TRPV2: variants seen among roughly 807,000 people sequenced by gnomAD.
The protein encoded by TRPV2 is OTRPC2.
TRPV2 carries 58 observed loss-of-function variants against 91.0 expected under a neutral mutation model. That is an observed-to-expected ratio of 0.64 (90% CI 0.52 to 0.79). TRPV2 has a LOEUF of 0.79. Among genes scored for constraint, TRPV2 ranks in the 30% least tolerant of loss-of-function variants. The pLI is 0.00. For synonymous variants in TRPV2, 417 were observed against 414.8 expected, an observed-to-expected ratio of 1.01 and a Z score of -0.06; for missense variants, 807 against 969.6, an observed-to-expected ratio of 0.83 and a Z score of 2.23.
intron 8 of TRPV2, 127 bp downstream of exon 8, chr17:16,427,674 G>A (rs1568914825): frequency 4.8e-6 from 4 of 834,642 alleles, no homozygotes; most frequent in Non-Finnish European, 7.2e-6. Context: ...CAGCCTCACT[G>A]AAGCTGAGGG....
chr17:16,432,440 T>A, intron 12 of TRPV2, 140 bp downstream of exon 12: 7 of 274,168 alleles, frequency 2.6e-5, no homozygotes, highest in East Asian at 9.7e-5. Flanking sequence ...TTCCTCTTCC[T>A]TTTTTTTTTT....
intron 12 of TRPV2, 156 bp from the exon 13 acceptor site, chr17:16,433,418 C>T (rs1222676926): frequency 3.7e-6 from 4 of 1,087,448 alleles, no homozygotes; most frequent in East Asian, 2.5e-5. Flanking sequence ...ACACAGGTAA[C>T]CGGATGTTGG....
At chr17:16,430,234 A>G (rs73287082) in intron 10 of TRPV2, among the ~76,000 whole-genome samples, 3,271 of 152,100 alleles carry the variant, frequency 0.022, 108 homozygotes, top group African/African-American at 0.075. Context: ...TTGTATAACC[A>G]TCACCACCAT....
At chr17:16,419,312 A>T (rs770820667) in intron 2 of TRPV2, 1 of 470,932 alleles carries the variant, frequency 2.1e-6, no homozygotes. Context: ...ACAAGCTACC[A>T]GATCCCTTCC....
chr17:16,434,447 G>A (rs1399383493), intron 13 of TRPV2, among the ~76,000 whole-genome samples: 26 of 133,354 alleles, frequency 1.9e-4, no homozygotes, highest in African/African-American at 6.8e-4. Context: ...CAGCCTGGGC[G>A]ACAGAGCGAG....
At chr17:16,418,447 C>A (rs1370692862) in intron 2 of TRPV2, among the ~76,000 whole-genome samples, 1 of 152,150 alleles carries the variant, frequency 6.6e-6, no homozygotes, top group Non-Finnish European at 1.5e-5. Flanking sequence ...GCACCCCCTA[C>A]TTCCCTGCCC....
At chr17:16,425,701 T>G (rs1302122143) in intron 5 of TRPV2, among the ~76,000 whole-genome samples, 2 of 152,122 alleles carry the variant, frequency 1.3e-5, no homozygotes, top group Non-Finnish European at 2.9e-5. Context: ...TCCTAACCTG[T>G]TTGGATTAGG....
At chr17:16,420,535 CT>C (rs1365049579) in intron 3 of TRPV2, among the ~76,000 whole-genome samples, 1 of 152,008 alleles carries the variant, frequency 6.6e-6, no homozygotes, top group Non-Finnish European at 1.5e-5. Context: ...CTTTTTTTAT[CT>C]TTTTTAATAA....
chr17:16,420,229 C>A lies in TRPV2; in HGVS notation c.315C>A (p.Leu105=). The A allele has an allele frequency of 6.2e-7, 1 of 1,613,900 alleles. No individual in the cohort carries two copies. Among genetic ancestry groups the A allele is most frequent in the Non-Finnish European group, 8.5e-7 (1 of 1,179,782 alleles). The part of the protein sequence containing the change: ...PEYLSKTSKY[L]TDSEYTEGST... ...ACCTGAGCAAGACCAGCAAGTACCT[C>A]ACCGACTCGGAATACACAGGTAGAC... The change falls in exon 3 of 15, where the codon CTC becomes CTA. Residue 105 remains leucine (L), a synonymous_variant. Transcript: ENST00000338560.
rs1324170573 is a variant in TRPV2, at chr17:16,415,763, C to A, written c.-178C>A. 2 of 152,406 alleles carry A rather than the reference C, an allele frequency of 1.3e-5. No individual in the cohort carries two copies. Among genetic ancestry groups the A allele is most frequent in the African/African-American group, 4.8e-5 (2 of 41,460 alleles). 9.4% of individuals were successfully genotyped at this position (152,406 alleles called of 1,614,324 possible). On this transcript the variant is annotated 5_prime_UTR_variant, in exon 1 of 15. Transcript: ENST00000338560. This position sits in a 1 kb window ranked among gnomAD's most constrained non-coding sequence, Gnocchi z 4.5. The stretch of plus-strand genomic sequence containing the variant: ...CGGCAGCCCCTCCCGGCTTCACTTC[C>A]TCCCGCAGCCCCTGCTACTGAGAAG...
chr17:16,420,735 T>A (rs867022711), intron 3 of TRPV2, among the ~76,000 whole-genome samples: 3 of 152,294 alleles, frequency 2.0e-5, no homozygotes, highest in Middle Eastern at 3.4e-3. Context: ...CATCCTGGGC[T>A]CCAATTAATT....
chr17:16,419,190 C>A, intron 2 of TRPV2: 3 of 384,466 alleles, frequency 7.8e-6, no homozygotes, highest in South Asian at 3.9e-5. Context: ...GGTGGTGGTA[C>A]CAGAAGCCCC....
Position 16,436,011 on chromosome 17 carries a change from C to CG in TRPV2, c.2195-774dup, listed in dbSNP as rs572559023. Among the ~76,000 whole-genome samples, 821 of 152,288 alleles carry CG rather than the reference C, an allele frequency of 5.4e-3. 4 individuals carry two copies. The highest frequency in any genetic ancestry group is 0.012 in the Admixed American group (185 of 15,300). ...GTGACATTCCCAACAGGAACAGCCTCGGGGCTGCCCCAGCAGGTCACATGT... is the reference window on the plus strand; with the variant it reads ...GTGACATTCCCAACAGGAACAGCCTCGGGGGCTGCCCCAGCAGGTCACATGT... On this transcript the variant is annotated intron_variant, in intron 14 of 14. Coordinates refer to ENST00000338560, the MANE Select transcript of TRPV2 (RefSeq NM_016113.5).
In TRPV2 at chr17:16,426,883, G is replaced by T; in HGVS notation, c.1251+6G>T. The T allele has an allele frequency of 1.9e-6, 3 of 1,611,942 alleles. No individual in the cohort carries two copies. Among genetic ancestry groups the T allele is most frequent in the Non-Finnish European group, 2.5e-6 (3 of 1,179,092 alleles). On this transcript the variant is annotated splice_donor_region_variant and intron_variant, in intron 7 of 14. Coordinates refer to ENST00000338560, the MANE Select transcript of TRPV2 (RefSeq NM_016113.5). This position sits in a 1 kb window ranked among gnomAD's most constrained non-coding sequence, Gnocchi z 6.0. ...ATCAGCCTACCCTGAAGAAGGCAAG[G>T]GCGTGAGGTTTGGGGGGGCACATCT...
chr17:16,435,208 C>G lies in TRPV2; in HGVS notation c.2194+239C>G, dbSNP rs1162305093. Reference sequence around the variant, plus strand: ...GGGGAAACCTCTGAGGCTGTTAGCGCTTCCACCAGCCCAGCCTCTGGCTGC... The same window carrying G: ...GGGGAAACCTCTGAGGCTGTTAGCGGTTCCACCAGCCCAGCCTCTGGCTGC... On this transcript the variant is annotated intron_variant, in intron 14 of 14. Coordinates refer to ENST00000338560, the MANE Select transcript of TRPV2 (RefSeq NM_016113.5). This position sits in a 1 kb window ranked among gnomAD's most constrained non-coding sequence, Gnocchi z 4.2. 3.3e-5 allele frequency among the ~76,000 whole-genome samples: 5 copies of G among 152,208 alleles called. No individual in the cohort carries two copies. Among genetic ancestry groups the G allele is most frequent in the African/African-American group, 1.2e-4 (5 of 41,434 alleles).
Position 16,420,116 on chromosome 17 carries a change from C to G in TRPV2, c.202C>G (p.Gln68Glu), listed in dbSNP as rs369496685. The G allele has an allele frequency of 6.2e-7, 1 of 1,612,302 alleles. No individual in the cohort carries two copies. The highest frequency in any genetic ancestry group is 8.5e-7 in the Non-Finnish European group (1 of 1,178,746). The change falls in exon 3 of 15, where the codon CAG becomes GAG. Residue 68 changes from glutamine (Q) to glutamate (E), a missense_variant and splice_region_variant. Physicochemically the swap from Gln to Glu is conservative, Grantham distance 29. Transcript: ENST00000338560. ...AGTCACAAACCACATCCTCCACAGTCAGCCGGATCCAAACCGATTTGACCG... is the reference window on the plus strand; with the variant it reads ...AGTCACAAACCACATCCTCCACAGTGAGCCGGATCCAAACCGATTTGACCG... Reference protein sequence around the residue: ...LNYRKGTGASQPDPNRFDRDR... With the variant: ...LNYRKGTGASEPDPNRFDRDR...
At chr17:16,428,763 G>C in intron 9 of TRPV2, 54 bp from the exon 10 acceptor site, 1 of 1,606,486 alleles carries the variant, frequency 6.2e-7, no homozygotes, top group South Asian at 1.1e-5. Flanking sequence ...AGGCCAGTGG[G>C]GGCTCAGGGA....
chr17:16,426,701 G>T lies in TRPV2; in HGVS notation c.1096-21G>T, dbSNP rs754955629. ...TTTGCACTTGTTGAGTGTACCCATG[G>T]CTCTCCCCTCCCCACCCCAGCACCG... On this transcript the variant is annotated intron_variant, in intron 6 of 14. Coordinates refer to ENST00000338560, the MANE Select transcript of TRPV2 (RefSeq NM_016113.5). This position sits in a 1 kb window ranked among gnomAD's most constrained non-coding sequence, Gnocchi z 6.0. 6.2e-7 allele frequency: 1 copy of T among 1,606,754 alleles called. No individual in the cohort carries two copies. The highest frequency in any genetic ancestry group is 8.5e-7 in the Non-Finnish European group (1 of 1,176,630).
At chr17:16,432,532 C>T (rs2093418296) in intron 12 of TRPV2, among the ~76,000 whole-genome samples, 1 of 151,736 alleles carries the variant, frequency 6.6e-6, no homozygotes, top group Admixed American at 6.6e-5. Context: ...CCTCGGCCTC[C>T]TGAGCTCAAG....
Sources: gnomAD v4.1 joint callset for allele counts (sites outside exome capture counted in the v4.1 genomes callset) on GRCh38, gnomAD v4.1.1 for gene constraint, Gnocchi (gnomAD v3.1) non-coding constraint, MANE v1.5 for transcripts, NCBI Gene and HGNC (gene_info 2026-07-23, HGNC 2026-07-21) for gene names.